The following CFAP251 variants were observed in gnomAD, a reference collection of about 807,000 sequenced individuals.
The protein encoded by CFAP251 is cilia and flagella associated protein 251.
Under a neutral mutation model 126.7 loss-of-function variants are expected in CFAP251, and 93 were observed. The observed-to-expected ratio is 0.73, with a 90% CI of 0.62 to 0.87. The LOEUF is 0.87. Among genes scored for constraint, CFAP251 ranks in the 40% least tolerant of loss-of-function variants. The probability of loss-of-function intolerance (pLI) is 0.00; values close to 1 mark genes in which losing one functional copy is unlikely to be tolerated. For missense variants in CFAP251, 1,287 were observed against 1,389.2 expected (o/e 0.93, Z 1.17); for synonymous variants, 503 against 506.9 (o/e 0.99, Z 0.10).
chr12:121,957,425 C>T (rs146969279), intron 11 of CFAP251, among the ~76,000 whole-genome samples, 157 bp downstream of exon 11: 30 of 152,278 alleles, frequency 2.0e-4, no homozygotes, highest in African/African-American at 7.0e-4. Context: ...AAACATAAGG[C>T]CGGGCGTGGT....
intron 4 of CFAP251, chr12:121,933,482 CTT>C (rs1417083941): frequency 1.3e-5 from 2 of 152,278 alleles, no homozygotes; most frequent in African/African-American, 4.8e-5. Context: ...AGATTCCTCT[CTT>C]GTGTGCATAA....
intron 3 of CFAP251, 49 bp downstream of exon 3, chr12:121,924,039 G>C (rs758669439): frequency 2.0e-6 from 3 of 1,524,334 alleles, no homozygotes; most frequent in Non-Finnish European, 2.6e-6. Flanking sequence ...AGAGTGTTGC[G>C]CAATAGGGGA....
intron 9 of CFAP251, among the ~76,000 whole-genome samples, chr12:121,951,932 C>T (rs933503821): frequency 5.3e-5 from 8 of 151,832 alleles, no homozygotes; most frequent in Non-Finnish European, 1.0e-4. Context: ...CTGTGTTAGC[C>T]AGGATGGTCT....
Position 121,967,076 on chromosome 12 carries a change from G to A in CFAP251, c.2607+7G>A, listed in dbSNP as rs955149343. 17 of 1,611,378 alleles carry A rather than the reference G, an allele frequency of 1.1e-5. No homozygotes were observed. Among genetic ancestry groups the A allele is most frequent in the African/African-American group, 1.3e-5 (1 of 74,876 alleles). The stretch of plus-strand genomic sequence containing the variant: ...GTTTATTAACAGAGACAAGGTAACA[G>A]CGCTCTCTTCTCCAGTTCTGGGAGT... On this transcript the variant is annotated splice_region_variant and intron_variant, in intron 16 of 21. Coordinates refer to ENST00000288912, the MANE Select transcript of CFAP251 (RefSeq NM_144668.6).
chr12:121,961,381 TGTCCATCCATCCATCCATCC>T (rs1881932859), intron 14 of CFAP251, among the ~76,000 whole-genome samples: 1 of 142,428 alleles, frequency 7.0e-6, no homozygotes, highest in Non-Finnish European at 1.5e-5. Flanking sequence ...TTCATCCATC[TGTCCATCCATCCATCCATCC>T]GTCCATCCAC....
intron 10 of CFAP251, among the ~76,000 whole-genome samples, chr12:121,955,288 G>A (rs1307919382): frequency 2.0e-5 from 3 of 151,858 alleles, no homozygotes; most frequent in Non-Finnish European, 2.9e-5. Flanking sequence ...AGTGAGACTC[G>A]GTCTCAAAAC....
rs1022072224 is a variant in CFAP251 at position 121,969,718 on chromosome 12, G to T, written c.2771+1549G>T. Reference sequence around the variant, plus strand: ...GCCTAGGCTGGTCTTGAACTCATGGGCTCAAGCCTTGGGCACCTAAAGTGT... The same window carrying T: ...GCCTAGGCTGGTCTTGAACTCATGGTCTCAAGCCTTGGGCACCTAAAGTGT... On this transcript the variant is annotated intron_variant, in intron 17 of 21. Transcript: ENST00000288912. 4 of 971,728 alleles carry T rather than the reference G, an allele frequency of 4.1e-6. No homozygotes were observed. In the African/African-American group the frequency reaches 7.0e-5, roughly 17 times the overall value. The allele number at this position is 971,728 out of a possible 1,614,324, so 60.2% of individuals were successfully genotyped here.
intron 21 of CFAP251, among the ~76,000 whole-genome samples, chr12:122,003,058 C>T (rs1045887527): frequency 6.6e-6 from 1 of 152,044 alleles, no homozygotes; most frequent in African/African-American, 2.4e-5. Flanking sequence ...TGCTGTGTTC[C>T]CAGGCATCTT....
intron 19 of CFAP251, among the ~76,000 whole-genome samples, chr12:121,994,295 C>T (rs1431498997): frequency 1.6e-5 from 1 of 62,040 alleles, no homozygotes; most frequent in Admixed American, 1.2e-4. Context: ...GGGGTCAGCC[C>T]CCCCGCTCGG....
At chr12:121,937,808 T>C (rs567166737) in intron 5 of CFAP251, among the ~76,000 whole-genome samples, 1 of 152,206 alleles carries the variant, frequency 6.6e-6, no homozygotes, top group Non-Finnish European at 1.5e-5. Flanking sequence ...GACTTCTCTG[T>C]GGCATCTAAC....
chr12:121,980,648 C>G (rs1343004514), intron 19 of CFAP251, among the ~76,000 whole-genome samples: 2 of 152,154 alleles, frequency 1.3e-5, no homozygotes, highest in African/African-American at 4.8e-5. Context: ...GCTCCCTGAC[C>G]TCATTTCCTT....
In CFAP251 at chr12:121,989,686, C is replaced by T. The variant is rs1459258163; in HGVS notation, c.3007-10030C>T. Among the ~76,000 whole-genome samples the T allele has an allele frequency of 2.0e-5, 3 of 152,126 alleles. No homozygotes were observed. Among genetic ancestry groups the T allele is most frequent in the Admixed American group, 2.0e-4 (3 of 15,256 alleles). ...CTGTGCCCCATTAGTTGAGAATGTT[C>T]TAGAGGGTATTGTGCGTTGGGAAGA... On this transcript the variant is annotated intron_variant, in intron 19 of 21. Transcript: ENST00000288912. This position sits in a 1 kb window ranked among gnomAD's most constrained non-coding sequence, Gnocchi z 4.2.
At chr12:121,966,155 TCCC>T (rs1565916185) in intron 15 of CFAP251, among the ~76,000 whole-genome samples, 2 of 10,902 alleles carry the variant, frequency 1.8e-4, no homozygotes, top group Non-Finnish European at 3.4e-4. Flanking sequence ...TTCCCTCCCC[TCCC>T]CTCCCCTCCC....
intron 21 of CFAP251, among the ~76,000 whole-genome samples, chr12:122,002,816 A>G (rs1372740933): frequency 6.6e-6 from 1 of 152,132 alleles, no homozygotes; most frequent in Non-Finnish European, 1.5e-5. Context: ...GGATGGTCAG[A>G]TCCCACCACC....
chr12:121,954,220 A>G lies in CFAP251; in HGVS notation c.1421A>G (p.Asp474Gly). The G allele has an allele frequency of 6.2e-7, 1 of 1,614,166 alleles. No homozygotes were observed. Residue 474 changes from aspartate to glycine, a missense_variant, in exon 10 of 22, where the codon GAC becomes GGC. Coordinates refer to ENST00000288912, the MANE Select transcript of CFAP251 (RefSeq NM_144668.6). ...ATGGAAGGGAAGCTGGTTGTCTGGG[A>G]CATACACCGCCCACCCTCATCTGCC... ...ATMEGKLVVWDIHRPPSSAST... is the reference protein window; with the variant it reads ...ATMEGKLVVWGIHRPPSSAST...
chr12:121,932,764 A>C (rs1219989097), intron 4 of CFAP251: 1 of 152,312 alleles, frequency 6.6e-6, no homozygotes, highest in Admixed American at 6.5e-5. Flanking sequence ...TCTGGGTGCA[A>C]CTTAAGGAAT....
At chr12:121,977,218 G>A (rs1305507302) in intron 19 of CFAP251, among the ~76,000 whole-genome samples, 1 of 152,050 alleles carries the variant, frequency 6.6e-6, no homozygotes, top group Non-Finnish European at 1.5e-5. Context: ...GTAACACAGT[G>A]GTATTTGTGT....
At chr12:121,925,947 T>C (rs1040801007) in intron 3 of CFAP251, among the ~76,000 whole-genome samples, 8 of 151,438 alleles carry the variant, frequency 5.3e-5, no homozygotes, top group Admixed American at 1.3e-4. Flanking sequence ...TGGGTTCAAG[T>C]GATTCTCCTG....
intron 5 of CFAP251, among the ~76,000 whole-genome samples, chr12:121,938,461 A>G (rs1168803325): frequency 1.5e-4 from 22 of 150,412 alleles, no homozygotes; most frequent in Admixed American, 1.2e-3. Context: ...AGCTGGGACC[A>G]CAGGTGTACA....
Sources: allele counts gnomAD v4.1 joint callset (sites outside exome capture counted in the v4.1 genomes callset), GRCh38; gene constraint gnomAD v4.1.1; non-coding constraint Gnocchi (gnomAD v3.1); transcripts MANE v1.5; gene names NCBI Gene and HGNC (gene_info 2026-07-23, HGNC 2026-07-21).